Variants in RAPGEF1 observed in about 807,000 individuals in gnomAD.
RAPGEF1 encodes CRK SH3-binding GNRP.
A neutral mutation model predicts 143.3 loss-of-function variants in RAPGEF1; 33 were observed. That is an observed-to-expected ratio of 0.23 (90% CI 0.17 to 0.31). RAPGEF1 has a LOEUF of 0.31. RAPGEF1 is among the 10% of genes least tolerant of loss of function. RAPGEF1 has a pLI of 1.00. For missense variants in RAPGEF1, 1,199 were observed against 1,645.4 expected, an observed-to-expected ratio of 0.73 and a Z score of 4.69; for synonymous variants, 629 against 676.5, an observed-to-expected ratio of 0.93 and a Z score of 1.09.
intron 16 of RAPGEF1, among the ~76,000 whole-genome samples, chr9:131,596,883 T>C (rs1466358195): frequency 1.3e-5 from 2 of 152,206 alleles, no homozygotes; most frequent in Non-Finnish European, 2.9e-5. Context: ...TAGAAGTTAC[T>C]TGCATTGGCA....
chr9:131,672,003 G>A (rs1199912794), intron 1 of RAPGEF1, among the ~76,000 whole-genome samples: 2 of 152,220 alleles, frequency 1.3e-5, no homozygotes, highest in Non-Finnish European at 2.9e-5. Flanking sequence ...TCCCTGGAGT[G>A]TGGAGTGGAG....
In RAPGEF1 at chr9:131,584,675, C is replaced by A; in HGVS notation, c.3234-79G>T. The A allele has an allele frequency of 7.0e-7, 1 of 1,430,644 alleles. No homozygotes were observed. The allele number at this position is 1,430,644 out of a possible 1,614,324, so 88.6% of individuals were successfully genotyped here. On this transcript the variant is annotated intron_variant, in intron 22 of 26. Coordinates refer to ENST00000683357, the MANE Select transcript of RAPGEF1 (RefSeq NM_001377935.1). This position sits in a 1 kb window ranked among gnomAD's most constrained non-coding sequence, Gnocchi z 6.8. ...CCAGGGGTCCTGGTGGAGACAGGACCTGTACGACCCCCATGCCAGTGGCCA... is the reference window on the plus strand; with the variant it reads ...CCAGGGGTCCTGGTGGAGACAGGACATGTACGACCCCCATGCCAGTGGCCA...
At chr9:131,587,004 C>T (rs1463743485) in intron 22 of RAPGEF1, among the ~76,000 whole-genome samples, 3 of 57,380 alleles carry the variant, frequency 5.2e-5, no homozygotes, top group South Asian at 7.5e-4. Context: ...AGTGAGACTC[C>T]GTCTCAAACA....
chr9:131,640,231 G>T (rs769163916), intron 4 of RAPGEF1, among the ~76,000 whole-genome samples: 1 of 152,220 alleles, frequency 6.6e-6, no homozygotes, highest in Non-Finnish European at 1.5e-5. Flanking sequence ...GCTGGACCTC[G>T]CTCTGCTTCC....
At chr9:131,620,705 G>C (rs1960652323) in intron 11 of RAPGEF1, among the ~76,000 whole-genome samples, 1 of 152,172 alleles carries the variant, frequency 6.6e-6, no homozygotes, top group Non-Finnish European at 1.5e-5. Context: ...AAACAAAACA[G>C]CTTGCTTGGT....
chr9:131,586,324 A>C (rs1952786792), intron 22 of RAPGEF1, among the ~76,000 whole-genome samples: 2 of 147,980 alleles, frequency 1.4e-5, no homozygotes, highest in Non-Finnish European at 1.5e-5. Context: ...ACACACACAC[A>C]CACACCTGCA....
intron 15 of RAPGEF1, among the ~76,000 whole-genome samples, chr9:131,600,242 A>T (rs1956046807): frequency 6.6e-6 from 1 of 152,196 alleles, no homozygotes; most frequent in Non-Finnish European, 1.5e-5. Flanking sequence ...GCCTTGATGG[A>T]GGGACAACAT....
chr9:131,690,710 G>A (rs1054869623), intron 1 of RAPGEF1, among the ~76,000 whole-genome samples: 4 of 152,132 alleles, frequency 2.6e-5, no homozygotes, highest in Admixed American at 6.5e-5. Context: ...GGCAGAGGTG[G>A]GACCCTGGGA....
Position 131,611,158 on chromosome 9 carries a change from G to C in RAPGEF1, c.2062-5970C>G, listed in dbSNP as rs144184109. ...TCTGAGGCCAATGCCACATGCACAT[G>C]AACTGAGATCTGCCACTGACCGTTT... On this transcript the variant is annotated intron_variant, in intron 12 of 26. Coordinates refer to ENST00000683357, the MANE Select transcript of RAPGEF1 (RefSeq NM_001377935.1). 5.2e-4 allele frequency among the ~76,000 whole-genome samples: 79 copies of C among 152,308 alleles called. 2 individuals carry two copies. In the East Asian group the frequency reaches 6.4e-3, roughly 12 times the overall value.
intron 10 of RAPGEF1, among the ~76,000 whole-genome samples, chr9:131,624,227 C>G (rs1261625560): frequency 1.3e-5 from 2 of 152,148 alleles, no homozygotes; most frequent in Non-Finnish European, 2.9e-5. Flanking sequence ...AGTTTCTCTA[C>G]CTATGAAATT....
At chr9:131,589,399 C>T (rs945572361) in intron 19 of RAPGEF1, among the ~76,000 whole-genome samples, 9 of 152,238 alleles carry the variant, frequency 5.9e-5, no homozygotes, top group South Asian at 2.1e-4. Context: ...ATTTCCCAGC[C>T]GCACAGCCAC....
chr9:131,682,926 A>G (rs969104243), intron 1 of RAPGEF1, among the ~76,000 whole-genome samples: 1 of 152,214 alleles, frequency 6.6e-6, no homozygotes, highest in African/African-American at 2.4e-5. Context: ...CCGCTGAAAT[A>G]TATCAAAGTA....
chr9:131,682,329 C>T (rs543054757), intron 1 of RAPGEF1, among the ~76,000 whole-genome samples: 1 of 152,348 alleles, frequency 6.6e-6, no homozygotes, highest in East Asian at 1.9e-4. Context: ...CCATGAGGGG[C>T]CCGTCCCGGG....
At chr9:131,624,464 C>T (rs1440876909) in intron 10 of RAPGEF1, among the ~76,000 whole-genome samples, 1 of 152,182 alleles carries the variant, frequency 6.6e-6, no homozygotes, top group African/African-American at 2.4e-5. Flanking sequence ...AATGGCTACC[C>T]CTCCCTTTCC....
At chr9:131,588,780 C>T (rs762217613) in intron 20 of RAPGEF1, 21 bp downstream of exon 20, 21 of 1,599,704 alleles carry the variant, frequency 1.3e-5, no homozygotes, top group Admixed American at 1.7e-5. Flanking sequence ...AGAGGCAGGG[C>T]TGGAGAGGTG....
At chr9:131,624,602 G>A (rs1436631007) in intron 10 of RAPGEF1, among the ~76,000 whole-genome samples, 2 of 152,190 alleles carry the variant, frequency 1.3e-5, no homozygotes, top group Admixed American at 6.5e-5. Flanking sequence ...TGAGCTCAGA[G>A]GACCCCTCCC....
intron 26 of RAPGEF1, 67 bp from the exon 27 acceptor site, chr9:131,579,714 C>A (rs1260494619): frequency 5.8e-6 from 9 of 1,554,884 alleles, no homozygotes; most frequent in Non-Finnish European, 7.9e-6. Context: ...TGGCGCCACC[C>A]TCCTGGAAGG....
chr9:131,582,485 C>T lies in RAPGEF1; in HGVS notation c.3512+120G>A, dbSNP rs188963385. 2.8e-4 allele frequency: 189 copies of T among 677,390 alleles called. No homozygotes were observed. In the Admixed American group the frequency reaches 6.2e-3, roughly 22 times the overall value. The allele number at this position is 677,390 out of a possible 1,614,324, so 42.0% of individuals were successfully genotyped here. A position where few individuals can be genotyped will look rare whatever the true frequency, so the allele number is the denominator to read the frequency against. ...CAAGAACCTTAAGTAAAACCAAGTA[C>T]AAATGTCTCCGTTAGAAACCCCTAA... is the stretch of plus-strand genomic sequence containing the variant. On this transcript the variant is annotated intron_variant, in intron 25 of 26. Coordinates refer to ENST00000683357, the MANE Select transcript of RAPGEF1 (RefSeq NM_001377935.1).
chr9:131,663,885 T>C (rs1394574182), intron 1 of RAPGEF1, among the ~76,000 whole-genome samples: 1 of 152,236 alleles, frequency 6.6e-6, no homozygotes, highest in Non-Finnish European at 1.5e-5. Context: ...ACTGAATAGT[T>C]TGGCATCCAC....
Sources: allele counts gnomAD v4.1 joint callset (sites outside exome capture counted in the v4.1 genomes callset), GRCh38; gene constraint gnomAD v4.1.1; non-coding constraint Gnocchi (gnomAD v3.1); transcripts MANE v1.5; gene names NCBI Gene and HGNC (gene_info 2026-07-23, HGNC 2026-07-21).